Variants in COL4A2 observed in about 807,000 individuals in gnomAD.
COL4A2 encodes the protein collagen type IV alpha 2 chain, also known as collagen alpha-2(IV) chain.
In COL4A2, 99 loss-of-function variants were observed where a neutral mutation model predicts 200.2. The observed-to-expected ratio is 0.49, with a 90% CI of 0.42 to 0.58. The LOEUF (loss-of-function observed/expected upper bound fraction) is 0.58, where lower values mean the gene tolerates loss of function less well. Among genes scored for constraint, COL4A2 ranks in the 20% least tolerant of loss-of-function variants. The pLI is 0.00. For synonymous variants in COL4A2, 897 were observed against 900.6 expected (o/e 1.00, Z 0.07); for missense variants, 1,950 against 2,314.1 (o/e 0.84, Z 3.23).
At chr13:110,352,116 C>T (rs923331137) in intron 3 of COL4A2, among the ~76,000 whole-genome samples, 13 of 152,118 alleles carry the variant, frequency 8.5e-5, no homozygotes, top group African/African-American at 2.4e-4. Context: ...ATGATGATGA[C>T]GATGATGATG....
chr13:110,320,751 T>C (rs1442191800), intron 3 of COL4A2, among the ~76,000 whole-genome samples: 1 of 152,238 alleles, frequency 6.6e-6, no homozygotes, highest in Non-Finnish European at 1.5e-5. Flanking sequence ...TTTTAAAAGT[T>C]GCCTTTTTCT....
At chr13:110,365,404 G>T (rs1877701839) in intron 4 of COL4A2, among the ~76,000 whole-genome samples, 1 of 152,276 alleles carries the variant, frequency 6.6e-6, no homozygotes, top group Non-Finnish European at 1.5e-5. Context: ...GCCTCCCAAA[G>T]TGCTGGGATT....
intron 34 of COL4A2, among the ~76,000 whole-genome samples, chr13:110,488,000 C>G (rs542003215): frequency 6.6e-6 from 1 of 152,284 alleles, no homozygotes; most frequent in Non-Finnish European, 1.5e-5. Context: ...TACCCTCCCC[C>G]TTCCTCCCAC....
At position 110,508,053 on chromosome 13, in the gene COL4A2, G is replaced by A. The variant is rs538382136; in HGVS notation, c.4713G>A (p.Ala1571=). The A allele has an allele frequency of 9.0e-5, 145 of 1,614,204 alleles. No homozygotes were observed. Among genetic ancestry groups the A allele is most frequent in the South Asian group, 7.5e-4 (68 of 91,082 alleles). Residue 1571 remains alanine (A), a synonymous_variant, in exon 47 of 48, where the codon GCG becomes GCA. Transcript: ENST00000360467. This position sits in a 1 kb window ranked among gnomAD's most constrained non-coding sequence, Gnocchi z 6.1. ...NDKSYWLSTT[A]PLPMMPVAED... ...AGTCCTACTGGCTCTCTACCACTGC[G>A]CCGCTGCCCATGATGCCCGTGGCCG...
At chr13:110,368,066 AT>A (rs1289098954) in intron 4 of COL4A2, among the ~76,000 whole-genome samples, 6 of 152,332 alleles carry the variant, frequency 3.9e-5, no homozygotes, top group African/African-American at 1.4e-4. Flanking sequence ...TTTTGCAAAT[AT>A]TTGGACTTCT....
At chr13:110,406,924 C>T (rs988322154) in intron 4 of COL4A2, among the ~76,000 whole-genome samples, 1 of 152,162 alleles carries the variant, frequency 6.6e-6, no homozygotes, top group Admixed American at 6.5e-5. Flanking sequence ...CCAGAGTCTG[C>T]CTTGTTCCCC....
Position 110,513,118 on chromosome 13 carries a change from T to C in COL4A2, c.*927T>C, listed in dbSNP as rs1884149751. ...GGCACAGCGTCCGCCCACGCTGCTG[T>C]TTTTAATCCATCTCAGTAGAGTTGA... On this transcript the variant is annotated 3_prime_UTR_variant, in exon 48 of 48. Transcript: ENST00000360467. 1 of 152,196 alleles carries C rather than the reference T, an allele frequency of 6.6e-6. No individual in the cohort carries two copies. Among genetic ancestry groups the C allele is most frequent in the Admixed American group, 6.5e-5 (1 of 15,284 alleles). 9.4% of individuals were successfully genotyped at this position (152,196 alleles called of 1,614,324 possible). A position where few individuals can be genotyped will look rare whatever the true frequency, so the allele number is the denominator to read the frequency against.
rs1884849600 is a variant in COL4A2 at position 110,308,074 on chromosome 13, T to TG, written c.51dup (p.Leu18AlafsTer22). 2.5e-6 allele frequency: 4 copies of TG among 1,613,864 alleles called. No homozygotes were observed. In the East Asian group the frequency reaches 8.9e-5, roughly 36 times the overall value. On this transcript the variant is annotated frameshift_variant, in exon 3 of 48. Transcript: ENST00000360467. LOFTEE classifies it high-confidence loss of function. ...TTCCTCCCTTTCCCATGCAGGTGGC[T>TG]GCTGCTGGGGACAGTGACCGTGGGG...
At chr13:110,436,454 C>A in intron 13 of COL4A2, 87 bp downstream of exon 13, 1 of 1,485,140 alleles carries the variant, frequency 6.7e-7, no homozygotes, top group Non-Finnish European at 9.0e-7. Context: ...AACCACATTC[C>A]AAGTAGAAAA....
intron 47 of COL4A2, among the ~76,000 whole-genome samples, chr13:110,509,264 T>TAC (rs1237663441): frequency 4.2e-5 from 5 of 119,138 alleles, no homozygotes; most frequent in Admixed American, 8.5e-5. Context: ...TATATATATA[T>TAC]ATATATACAC....
chr13:110,345,716 T>C (rs1253146710), intron 3 of COL4A2, among the ~76,000 whole-genome samples: 1 of 152,050 alleles, frequency 6.6e-6, no homozygotes, highest in Non-Finnish European at 1.5e-5. Flanking sequence ...TGGCCATCTA[T>C]ATTAGGGGTG....
At chr13:110,414,609 G>C (rs1265774031) in intron 4 of COL4A2, among the ~76,000 whole-genome samples, 2 of 152,358 alleles carry the variant, frequency 1.3e-5, no homozygotes, top group East Asian at 3.9e-4. Flanking sequence ...AGATGCCCCA[G>C]ATGCTCTCTG....
At chr13:110,511,665 C>T (rs575520275) in intron 47 of COL4A2, among the ~76,000 whole-genome samples, 18 of 152,330 alleles carry the variant, frequency 1.2e-4, no homozygotes, top group African/African-American at 3.8e-4. Flanking sequence ...TAGTTCTTAC[C>T]GAACGGCCAG....
chr13:110,308,245 C>A, intron 3 of COL4A2, 122 bp downstream of exon 3: 1 of 1,088,930 alleles, frequency 9.2e-7, no homozygotes, highest in Non-Finnish European at 1.4e-6. Context: ...GGATGTTCGC[C>A]AGGCTGCCCA....
intron 4 of COL4A2, among the ~76,000 whole-genome samples, chr13:110,368,113 C>T (rs774022136): frequency 1.3e-5 from 2 of 152,142 alleles, no homozygotes; most frequent in Non-Finnish European, 2.9e-5. Flanking sequence ...TCTAGAACAT[C>T]GACTAGTCTT....
Position 110,466,037 on chromosome 13 carries a change from TGACA to T in COL4A2, c.2019_2022del (p.Gln674ArgfsTer8), listed in dbSNP as rs1882227611. On this transcript the variant is annotated frameshift_variant, in exon 26 of 48. Transcript: ENST00000360467. LOFTEE classifies it high-confidence loss of function. Reference sequence around the variant, plus strand: ...CAGATGTGAAAAGGGCCGTTGGAGGTGACAGACAGGAGGCCATCCAGCCAGGTAC... The same window carrying T: ...CAGATGTGAAAAGGGCCGTTGGAGGTGACAGGAGGCCATCCAGCCAGGTAC... The T allele has an allele frequency of 3.1e-6, 5 of 1,613,620 alleles. No individual in the cohort carries two copies. The highest frequency in any genetic ancestry group is 4.2e-6 in the Non-Finnish European group (5 of 1,179,690).
At chr13:110,372,313 A>C (rs1878047526) in intron 4 of COL4A2, among the ~76,000 whole-genome samples, 1 of 152,100 alleles carries the variant, frequency 6.6e-6, no homozygotes, top group African/African-American at 2.4e-5. Flanking sequence ...AGAAAATAAT[A>C]ATGTTTCCGT....
At position 110,478,010 on chromosome 13, in the gene COL4A2, A is replaced by G; in HGVS notation, c.2433A>G (p.Gln811=). The G allele has an allele frequency of 6.4e-7, 1 of 1,565,222 alleles. No individual in the cohort carries two copies. ...TGTCTCTGATTCCTGCAGGAAGCCA[A>G]GGGATGCCTGGGATGCCAGGGCTGA... ...DRGPPGFRGS[Q]GMPGMPGLKG... The change falls in exon 30 of 48, where the codon CAA becomes CAG. Residue 811 remains glutamine (Q), a synonymous_variant. Coordinates refer to ENST00000360467, the MANE Select transcript of COL4A2 (RefSeq NM_001846.4).
At chr13:110,379,443 T>C (rs1054968937) in intron 4 of COL4A2, among the ~76,000 whole-genome samples, 1 of 152,198 alleles carries the variant, frequency 6.6e-6, no homozygotes, top group Admixed American at 6.5e-5. Flanking sequence ...TTTCATGTAC[T>C]CAGCAAATAC....
Sources: allele counts gnomAD v4.1 joint callset (sites outside exome capture counted in the v4.1 genomes callset), GRCh38; gene constraint gnomAD v4.1.1; non-coding constraint Gnocchi (gnomAD v3.1); transcripts MANE v1.5; gene names NCBI Gene and HGNC (gene_info 2026-07-23, HGNC 2026-07-21).